DENND2C: variants seen among roughly 807,000 people sequenced by gnomAD.
The protein encoded by DENND2C is DENN domain containing 2C.
A neutral mutation model predicts 112.4 loss-of-function variants in DENND2C; 72 were observed. That is an observed-to-expected ratio of 0.64 (90% CI 0.53 to 0.78). DENND2C has a LOEUF of 0.78. DENND2C is among the 30% of genes least tolerant of loss of function. The pLI, the probability that DENND2C is intolerant of heterozygous loss-of-function variation, is 0.00. For missense variants in DENND2C, 992 were observed against 1,113.8 expected (o/e 0.89, Z 1.56); for synonymous variants, 329 against 381.6 (o/e 0.86, Z 1.61).
chr1:114,602,477 G>T (rs1655540269), intron 11 of DENND2C, among the ~76,000 whole-genome samples: 1 of 152,226 alleles, frequency 6.6e-6, no homozygotes, highest in Non-Finnish European at 1.5e-5. Flanking sequence ...TGGAGTGAGA[G>T]AATAGGTATG....
chr1:114,663,666 A>T (rs527661249), intron 1 of DENND2C, among the ~76,000 whole-genome samples: 1 of 152,150 alleles, frequency 6.6e-6, no homozygotes, highest in Non-Finnish European at 1.5e-5. Flanking sequence ...CTGAGTTAAG[A>T]GTGGTTTTTA....
In DENND2C at chr1:114,611,072, C is replaced by T. The variant is rs374700264; in HGVS notation, c.1369+1G>A. 1.2e-6 allele frequency: 2 copies of T among 1,614,102 alleles called. No individual in the cohort carries two copies. The highest frequency in any genetic ancestry group is 2.7e-5 in the African/African-American group (2 of 74,938). ...GGGAGCAGCCCCATTGACTCACTCA[C>T]TCTTTGGCAGATACTCGGCATCACT... On this transcript the variant is annotated splice_donor_variant, in intron 9 of 20. Coordinates refer to ENST00000393274, the MANE Select transcript of DENND2C (RefSeq NM_001256404.2). LOFTEE classifies it high-confidence loss of function.
At chr1:114,662,768 C>A (rs985137707) in intron 1 of DENND2C, among the ~76,000 whole-genome samples, 1 of 152,090 alleles carries the variant, frequency 6.6e-6, no homozygotes, top group Admixed American at 6.6e-5. Context: ...CCAACCTAGA[C>A]AACGTATTGA....
rs1176997584 is a variant in DENND2C at position 114,644,359 on chromosome 1, A to G, written c.-205+1089T>C. On this transcript the variant is annotated intron_variant, in intron 3 of 20. Coordinates refer to ENST00000393274, the MANE Select transcript of DENND2C (RefSeq NM_001256404.2). Reference sequence around the variant, plus strand: ...TCACTGGAATATAAGCTTTTTTACTACTGTATCCCCAGCACCCAGAAGAGT... The same window carrying G: ...TCACTGGAATATAAGCTTTTTTACTGCTGTATCCCCAGCACCCAGAAGAGT... Among the ~76,000 whole-genome samples, 10 of 152,082 alleles carry G rather than the reference A, an allele frequency of 6.6e-5. No individual in the cohort carries two copies. The East Asian group carries it at 1.9e-3, about 29-fold the overall frequency.
chr1:114,624,995 G>T (rs1264360010), intron 4 of DENND2C, among the ~76,000 whole-genome samples, 184 bp downstream of exon 4: 1 of 152,158 alleles, frequency 6.6e-6, no homozygotes, highest in Non-Finnish European at 1.5e-5. Context: ...GATTATCTTA[G>T]CTATTACTAC....
chr1:114,621,069 C>T (rs918417918), intron 7 of DENND2C, among the ~76,000 whole-genome samples: 6 of 152,116 alleles, frequency 3.9e-5, no homozygotes, highest in African/African-American at 1.4e-4. Flanking sequence ...TACAGAAGAA[C>T]AAAGTAACAG....
chr1:114,666,811 A>G (rs1657661104), intron 1 of DENND2C, among the ~76,000 whole-genome samples: 1 of 152,188 alleles, frequency 6.6e-6, no homozygotes, highest in African/African-American at 2.4e-5. Flanking sequence ...CTTGTACTTC[A>G]AAGTATTAAA....
chr1:114,600,170 C>G (rs1230010014), intron 15 of DENND2C, 34 bp downstream of exon 15: 1 of 1,581,088 alleles, frequency 6.3e-7, no homozygotes, highest in Admixed American at 1.9e-5. Context: ...AATAAAACAC[C>G]AGTGTGAAGT....
At position 114,593,566 on chromosome 1, in the gene DENND2C, C is replaced by T. The variant is rs1655252800; in HGVS notation, c.2431+907G>A. On this transcript the variant is annotated intron_variant, in intron 18 of 20. Transcript: ENST00000393274. ...TTGTGAGGCTAAGGCGGAAGGATTG[C>T]TTGAGACCAGGAGTTTGAAATCAAC... 2.0e-5 allele frequency among the ~76,000 whole-genome samples: 3 copies of T among 152,102 alleles called. No individual in the cohort carries two copies. In the South Asian group the frequency reaches 6.2e-4, roughly 32 times the overall value.
chr1:114,622,886 C>A, intron 6 of DENND2C, 101 bp downstream of exon 6: 10 of 728,616 alleles, frequency 1.4e-5, no homozygotes, highest in Non-Finnish European at 1.6e-5. Flanking sequence ...ACTTACATTT[C>A]AGTGCCTCTT....
At chr1:114,646,282 T>G (rs1180582389) in intron 2 of DENND2C, among the ~76,000 whole-genome samples, 2 of 152,166 alleles carry the variant, frequency 1.3e-5, no homozygotes, top group Non-Finnish European at 2.9e-5. Context: ...TGAACATGTT[T>G]AAGATAATTT....
chr1:114,646,076 G>A (rs1382716241), intron 2 of DENND2C, among the ~76,000 whole-genome samples: 2 of 151,908 alleles, frequency 1.3e-5, no homozygotes, highest in East Asian at 1.9e-4. Context: ...ACAGGCGCCC[G>A]CCACCACACC....
chr1:114,668,214 G>A (rs1259586417), intron 1 of DENND2C, among the ~76,000 whole-genome samples: 2 of 152,046 alleles, frequency 1.3e-5, no homozygotes, highest in Admixed American at 6.6e-5. Flanking sequence ...CATGGAGTAC[G>A]TTTAAAACTC....
chr1:114,651,651 A>G (rs1657168957), intron 2 of DENND2C, among the ~76,000 whole-genome samples: 1 of 152,058 alleles, frequency 6.6e-6, no homozygotes, highest in Non-Finnish European at 1.5e-5. Flanking sequence ...AGGCAGGAGA[A>G]TGACTTGAAG....
intron 2 of DENND2C, among the ~76,000 whole-genome samples, chr1:114,653,794 T>C (rs751515720): frequency 6.6e-6 from 1 of 152,172 alleles, no homozygotes; most frequent in Non-Finnish European, 1.5e-5. Flanking sequence ...GAGATATCAC[T>C]TCCAATAATT....
chr1:114,591,819 T>C (rs1176613971), intron 18 of DENND2C, among the ~76,000 whole-genome samples: 1 of 138,644 alleles, frequency 7.2e-6, no homozygotes, highest in African/African-American at 2.7e-5. Flanking sequence ...TGTAGATCCA[T>C]ATTCATTTTT....
chr1:114,625,178 C>T lies in DENND2C; in HGVS notation c.806+1G>A. 6.3e-7 allele frequency: 1 copy of T among 1,598,698 alleles called. No homozygotes were observed. The highest frequency in any genetic ancestry group is 1.4e-5 in the African/African-American group (1 of 74,032). ...TCTTTATCTGTAGGATAAAAACATA[C>T]CTTTTAGATCTTCCTCTGATTTTTC... On this transcript the variant is annotated splice_donor_variant, in intron 4 of 20. Transcript: ENST00000393274. LOFTEE classifies it high-confidence loss of function.
intron 1 of DENND2C, among the ~76,000 whole-genome samples, chr1:114,656,406 T>C (rs375928330): frequency 1.1e-4 from 16 of 150,484 alleles, no homozygotes; most frequent in African/African-American, 3.9e-4. Flanking sequence ...TCTTTCTTTT[T>C]TTTTTTTTTG....
chr1:114,606,235 C>A (rs1437360221), intron 10 of DENND2C, among the ~76,000 whole-genome samples: 2 of 151,934 alleles, frequency 1.3e-5, no homozygotes, highest in Non-Finnish European at 2.9e-5. Context: ...TAAAAAAAAA[C>A]AAACTATGTA....
Sources: gnomAD v4.1 joint callset for allele counts (sites outside exome capture counted in the v4.1 genomes callset) on GRCh38, gnomAD v4.1.1 for gene constraint, MANE v1.5 for transcripts, NCBI Gene and HGNC (gene_info 2026-07-23, HGNC 2026-07-21) for gene names.